NKX1-2: variants seen among roughly 807,000 people sequenced by gnomAD.
The protein encoded by NKX1-2 is NK1 homeobox 2, also known as NK1 transcription factor-related protein 2.
Under a neutral mutation model 4.4 loss-of-function variants are expected in NKX1-2, and 1 was observed. The ratio of observed to expected loss-of-function variants is 0.23; its 90% CI spans 0.08 to 1.08. NKX1-2 has a LOEUF of 1.08. NKX1-2 is among the 50% of genes least tolerant of loss of function. The probability of loss-of-function intolerance (pLI) is 0.55; values close to 1 mark genes in which losing one functional copy is unlikely to be tolerated. For missense variants in NKX1-2, 503 were observed against 464.6 expected (o/e 1.08, Z -0.76); for synonymous variants, 235 against 228.0 (o/e 1.03, Z -0.28).
At position 124,449,792 on chromosome 10, in the gene NKX1-2, G is replaced by A; in HGVS notation, c.152C>T (p.Ala51Val). ...GGCATCTTTCCCCGCTTCGACCTCC[G>A]CCAAACTTTTCCTGGCTTCCCGGGG... ...PAPREARKSL[A>V]EVEAGKDASS... The change falls in exon 1 of 2, where the codon GCG (alanine) becomes GTG (valine). Residue 51 changes from alanine to valine, a missense_variant. Ala to Val is a moderately conservative substitution (Grantham distance 64). Coordinates refer to ENST00000451024, the MANE Select transcript of NKX1-2 (RefSeq NM_001146340.3). This position sits in a 1 kb window ranked among gnomAD's most constrained non-coding sequence, Gnocchi z 7.5. 2 of 1,551,670 alleles carry A rather than the reference G, an allele frequency of 1.3e-6. No individual in the cohort carries two copies. Among genetic ancestry groups the A allele is most frequent in the South Asian group, 1.2e-5 (1 of 84,068 alleles).
rs1227270421 is a variant in NKX1-2 at position 124,447,991 on chromosome 10, G to A, written c.371C>T (p.Ala124Val). 1.3e-6 allele frequency: 2 copies of A among 1,485,716 alleles called. No individual in the cohort carries two copies. Among genetic ancestry groups the A allele is most frequent in the South Asian group, 1.3e-5 (1 of 78,372 alleles). 92.0% of individuals were successfully genotyped at this position (1,485,716 alleles called of 1,614,324 possible). ...CTCGCAGGGCTCCCCAGACGCCAAT[G>A]CCCCGGCCGGGGCGTCAGGTGAGCG... The part of the protein sequence containing the change: ...LARSPDAPAG[A>V]LASGEPCEDG... Residue 124 changes from alanine to valine, a missense_variant, in exon 2 of 2, where the codon GCA (alanine) becomes GTA (valine). Physicochemically the swap from Ala to Val is moderately conservative, Grantham distance 64 (BLOSUM62 0). Transcript: ENST00000451024.
chr10:124,447,907 C>T lies in NKX1-2; in HGVS notation c.455G>A (p.Arg152Lys). Residue 152 changes from arginine to lysine, a missense_variant, in exon 2 of 2, where the codon AGG becomes AAG. Transcript: ENST00000451024. ...PPGSPGSPRP[R>K]RRRLEPNCAK... ...GCAGTTGGGCTCCAGGCGCCGGCGC[C>T]TGGGACGCGGGGAGCCGGGGGATCC... is the stretch of plus-strand genomic sequence containing the variant. 5.0e-6 allele frequency: 7 copies of T among 1,411,032 alleles called. No homozygotes were observed. Among genetic ancestry groups the T allele is most frequent in the Non-Finnish European group, 6.5e-6 (7 of 1,078,324 alleles). The allele number at this position is 1,411,032 out of a possible 1,614,324, so 87.4% of individuals were successfully genotyped here.
Position 124,447,864 on chromosome 10 carries a change from C to A in NKX1-2, c.498G>T (p.Ala166=). 1 of 1,447,844 alleles carries A rather than the reference C, an allele frequency of 6.9e-7. No homozygotes were observed. Among genetic ancestry groups the A allele is most frequent in the Non-Finnish European group, 9.2e-7 (1 of 1,091,784 alleles). The allele number at this position is 1,447,844 out of a possible 1,614,324, so 89.7% of individuals were successfully genotyped here. A position where few individuals can be genotyped will look rare whatever the true frequency, so the allele number is the denominator to read the frequency against. ...GCTGCTCGTAGGTGAAGGCGGTGCG[C>A]GCGCGCCGCGGCTTGGCGCAGTTGG... ...LEPNCAKPRR[A]RTAFTYEQLV... is the part of the protein sequence containing the mutation. Residue 166 remains alanine, a synonymous_variant, in exon 2 of 2, where the codon GCG becomes GCT. Transcript: ENST00000451024.
rs1302776536 is a variant in NKX1-2 at position 124,448,108 on chromosome 10, T to A, written c.254A>T (p.Glu85Val). 2.6e-6 allele frequency: 4 copies of A among 1,511,012 alleles called. No homozygotes were observed. In the African/African-American group the frequency reaches 4.3e-5, roughly 16 times the overall value. 93.6% of individuals were successfully genotyped at this position (1,511,012 alleles called of 1,614,324 possible). Reference protein sequence around the residue: ...GPGAGQASPLEGSEAEEEEDA... With the variant: ...GPGAGQASPLVGSEAEEEEDA... ...CTCCTCCTCTTCCGCCTCGGAACCC[T>A]CCAGGGGGGACGCCTGGCCGGCGCC... The change falls in exon 2 of 2, where the codon GAG (glutamate) becomes GTG (valine). Residue 85 changes from glutamate (E) to valine (V), a missense_variant. Transcript: ENST00000451024. The surrounding 1 kb of genome is among the most constrained non-coding windows in gnomAD (Gnocchi z 4.1).
Position 124,449,600 on chromosome 10 carries a change from C to A in NKX1-2, c.214+130G>T. The A allele has an allele frequency of 2.6e-6, 2 of 763,316 alleles. No homozygotes were observed. Among genetic ancestry groups the A allele is most frequent in the Non-Finnish European group, 4.5e-6 (2 of 440,988 alleles). 47.3% of individuals were successfully genotyped at this position (763,316 alleles called of 1,614,324 possible). ...TCCGAGGCGGGGGCTACACTTCGCA[C>A]CCGGTCCCGTGCGCCTTCTCTCTGA... On this transcript the variant is annotated intron_variant, in intron 1 of 1. Transcript: ENST00000451024. The surrounding 1 kb of genome is among the most constrained non-coding windows in gnomAD (Gnocchi z 7.5).
Position 124,447,432 on chromosome 10 carries a change from T to C in NKX1-2, c.930A>G (p.Leu310=), listed in dbSNP as rs1317120194. Residue 310 remains leucine (L), a synonymous_variant, in exon 2 of 2, where the codon CTA becomes CTG. Coordinates refer to ENST00000451024, the MANE Select transcript of NKX1-2 (RefSeq NM_001146340.3). ...SYLTPFYAPR[L] ...GAGGGGCCAGGGGGCTCCGGATTCA[T>C]AGACGCGGGGCGTAGAAGGGGGTCA... is the stretch of plus-strand genomic sequence containing the variant. The C allele has an allele frequency of 4.8e-6, 6 of 1,248,420 alleles. No homozygotes were observed. Among genetic ancestry groups the C allele is most frequent in the Admixed American group, 4.2e-5 (1 of 23,544 alleles). 77.3% of individuals were successfully genotyped at this position (1,248,420 alleles called of 1,614,324 possible). A position where few individuals can be genotyped will look rare whatever the true frequency, so the allele number is the denominator to read the frequency against.
rs561455879 is a variant in NKX1-2 at position 124,447,260 on chromosome 10, G to C, written c.*169C>G. The C allele has an allele frequency of 8.0e-5, 34 of 424,112 alleles. No homozygotes were observed. Among genetic ancestry groups the C allele is most frequent in the Non-Finnish European group, 1.2e-4 (29 of 247,470 alleles). 26.3% of individuals were successfully genotyped at this position (424,112 alleles called of 1,614,324 possible). ...AGCCTCCGTCCCCGGACACTTTGAA[G>C]GACGGCAGATCCCTGACCCCTTGGT... On this transcript the variant is annotated 3_prime_UTR_variant, in exon 2 of 2. Transcript: ENST00000451024.
chr10:124,447,841 T>A lies in NKX1-2; in HGVS notation c.521A>T (p.Gln174Leu). The A allele has an allele frequency of 6.8e-7, 1 of 1,466,168 alleles. No homozygotes were observed. The highest frequency in any genetic ancestry group is 9.1e-7 in the Non-Finnish European group (1 of 1,100,876). 90.8% of individuals were successfully genotyped at this position (1,466,168 alleles called of 1,614,324 possible). The change falls in exon 2 of 2, where the codon CAG (glutamine) becomes CTG (leucine). Residue 174 changes from glutamine to leucine, a missense_variant. Gln to Leu is a moderately radical substitution (Grantham distance 113). Coordinates refer to ENST00000451024, the MANE Select transcript of NKX1-2 (RefSeq NM_001146340.3). The stretch of plus-strand genomic sequence containing the variant: ...GAACTTGTTCTCCAAGGCCACCAGC[T>A]GCTCGTAGGTGAAGGCGGTGCGCGC... Reference protein sequence around the residue: ...RRARTAFTYEQLVALENKFRA... With the variant: ...RRARTAFTYELLVALENKFRA...
At position 124,448,287 on chromosome 10, in the gene NKX1-2, G is replaced by A. The variant is rs1164077924; in HGVS notation, c.215-140C>T. 4 of 1,262,162 alleles carry A rather than the reference G, an allele frequency of 3.2e-6. No homozygotes were observed. The highest frequency in any genetic ancestry group is 3.0e-6 in the Non-Finnish European group (3 of 999,550). The allele number at this position is 1,262,162 out of a possible 1,614,324, so 78.2% of individuals were successfully genotyped here. ...CCCACATCGCGCTCCCCTTAGGCCGGACTACACATCCTCGCCAGCGGGTTT... is the reference window on the plus strand; with the variant it reads ...CCCACATCGCGCTCCCCTTAGGCCGAACTACACATCCTCGCCAGCGGGTTT... On this transcript the variant is annotated intron_variant, in intron 1 of 1. Coordinates refer to ENST00000451024, the MANE Select transcript of NKX1-2 (RefSeq NM_001146340.3). The surrounding 1 kb of genome is among the most constrained non-coding windows in gnomAD (Gnocchi z 4.1).
chr10:124,447,457 A>C lies in NKX1-2; in HGVS notation c.905T>G (p.Leu302Arg). The change falls in exon 2 of 2, where the codon CTG becomes CGG. Residue 302 changes from leucine (L) to arginine (R), a missense_variant. By Grantham distance (102) the Leu-to-Arg change is moderately radical. Coordinates refer to ENST00000451024, the MANE Select transcript of NKX1-2 (RefSeq NM_001146340.3). Reference protein sequence around the residue: ...PFAPFLGPSYLTPFYAPRL With the variant: ...PFAPFLGPSYRTPFYAPRL ...TAGACGCGGGGCGTAGAAGGGGGTC[A>C]GGTAGGAAGGCCCAAGGAACGGCGC... The C allele has an allele frequency of 7.9e-7, 1 of 1,259,674 alleles. No homozygotes were observed. Among genetic ancestry groups the C allele is most frequent in the Non-Finnish European group, 1.0e-6 (1 of 995,800 alleles). The allele number at this position is 1,259,674 out of a possible 1,614,324, so 78.0% of individuals were successfully genotyped here. A position where few individuals can be genotyped will look rare whatever the true frequency, so the allele number is the denominator to read the frequency against.
Position 124,449,415 on chromosome 10 carries a change from T to G in NKX1-2, c.214+315A>C. 1.6e-6 allele frequency: 1 copy of G among 610,892 alleles called. No homozygotes were observed. Among genetic ancestry groups the G allele is most frequent in the East Asian group, 3.5e-5 (1 of 28,670 alleles). 37.8% of individuals were successfully genotyped at this position (610,892 alleles called of 1,614,324 possible). On this transcript the variant is annotated intron_variant, in intron 1 of 1. Transcript: ENST00000451024. The surrounding 1 kb of genome is among the most constrained non-coding windows in gnomAD (Gnocchi z 7.5). ...CAGGTCCTAGCACGTGGCAAGCGCA[T>G]TAAATGCCCGATAAATGAGTAAGCC... is the stretch of plus-strand genomic sequence containing the variant.
rs1205648179 is a variant in NKX1-2 at position 124,447,086 on chromosome 10, G to A, written c.*343C>T. The A allele has an allele frequency of 3.5e-5, 7 of 200,522 alleles. No individual in the cohort carries two copies. In the East Asian group the frequency reaches 7.8e-4, roughly 22 times the overall value. The allele number at this position is 200,522 out of a possible 1,614,324, so 12.4% of individuals were successfully genotyped here. ...CCATCCTAGCCGCCAGCAGCTGGCA[G>A]CCAGGGCGTCTCTGCTCCCTGTATT... On this transcript the variant is annotated 3_prime_UTR_variant, in exon 2 of 2. Transcript: ENST00000451024.
Position 124,448,085 on chromosome 10 carries a change from C to A in NKX1-2, c.277G>T (p.Glu93Ter). The change falls in exon 2 of 2, where the codon GAG (glutamate) becomes TAG (stop). Residue 93 changes from glutamate (E) to a stop codon, truncating the protein, a stop_gained. Transcript: ENST00000451024. LOFTEE classifies it low-confidence loss of function (END_TRUNC). This position sits in a 1 kb window ranked among gnomAD's most constrained non-coding sequence, Gnocchi z 4.1. ...GGCCTCCTCGGATCCTCCGCATCCT[C>A]CTCCTCTTCCGCCTCGGAACCCTCC... is the stretch of plus-strand genomic sequence containing the variant. ...PLEGSEAEEE[E>*]DAEDPRRPRL... is the part of the protein sequence containing the mutation. The A allele has an allele frequency of 6.6e-7, 1 of 1,521,490 alleles. No individual in the cohort carries two copies. The highest frequency in any genetic ancestry group is 8.8e-7 in the Non-Finnish European group (1 of 1,139,654). 94.2% of individuals were successfully genotyped at this position (1,521,490 alleles called of 1,614,324 possible).
rs1316897988 is a variant in NKX1-2 at position 124,448,758 on chromosome 10, G to A, written c.215-611C>T. 1 of 152,924 alleles carries A rather than the reference G, an allele frequency of 6.5e-6. No individual in the cohort carries two copies. Among genetic ancestry groups the A allele is most frequent in the African/African-American group, 2.4e-5 (1 of 41,580 alleles). The allele number at this position is 152,924 out of a possible 1,614,324, so 9.5% of individuals were successfully genotyped here. A position where few individuals can be genotyped will look rare whatever the true frequency, so the allele number is the denominator to read the frequency against. On this transcript the variant is annotated intron_variant, in intron 1 of 1. Transcript: ENST00000451024. This position sits in a 1 kb window ranked among gnomAD's most constrained non-coding sequence, Gnocchi z 4.1. The stretch of plus-strand genomic sequence containing the variant: ...GGTTTGAAGTCGGTACCTGCAAGCT[G>A]CGGGCAGGAGATATGCAGGCGCCAG...
At position 124,448,183 on chromosome 10, in the gene NKX1-2, C is replaced by G. The variant is rs553449916; in HGVS notation, c.215-36G>C. On this transcript the variant is annotated intron_variant, in intron 1 of 1. Transcript: ENST00000451024. The surrounding 1 kb of genome is among the most constrained non-coding windows in gnomAD (Gnocchi z 4.1). ...AGGGGTCGGTGAACAGAAGCCTCTCCAGGTCCCCAAACCTCGTCCTCGTCC... is the reference window on the plus strand; with the variant it reads ...AGGGGTCGGTGAACAGAAGCCTCTCGAGGTCCCCAAACCTCGTCCTCGTCC... 2 of 1,405,288 alleles carry G rather than the reference C, an allele frequency of 1.4e-6. No homozygotes were observed. The highest frequency in any genetic ancestry group is 3.0e-5 in the South Asian group (2 of 65,788). The allele number at this position is 1,405,288 out of a possible 1,614,324, so 87.1% of individuals were successfully genotyped here. A position where few individuals can be genotyped will look rare whatever the true frequency, so the allele number is the denominator to read the frequency against.
rs1249918534 is a variant in NKX1-2 at position 124,445,723 on chromosome 10, T to C, written c.*1706A>G. 2 of 152,218 alleles carry C rather than the reference T, an allele frequency of 1.3e-5. No homozygotes were observed. Among genetic ancestry groups the C allele is most frequent in the Non-Finnish European group, 2.9e-5 (2 of 68,050 alleles). 9.4% of individuals were successfully genotyped at this position (152,218 alleles called of 1,614,324 possible). A position where few individuals can be genotyped will look rare whatever the true frequency, so the allele number is the denominator to read the frequency against. On this transcript the variant is annotated 3_prime_UTR_variant, in exon 2 of 2. Coordinates refer to ENST00000451024, the MANE Select transcript of NKX1-2 (RefSeq NM_001146340.3). ...CTTTTAGAAAGTTACAATGTGTTGT[T>C]TGGGGGACATTCTTCTTTAGAAGGA...
rs1173230625 is a variant in NKX1-2 at position 124,447,611 on chromosome 10, C to T, written c.751G>A (p.Gly251Ser). 7.8e-7 allele frequency: 1 copy of T among 1,280,304 alleles called. No individual in the cohort carries two copies. The highest frequency in any genetic ancestry group is 3.1e-5 in the East Asian group (1 of 32,500). The allele number at this position is 1,280,304 out of a possible 1,614,324, so 79.3% of individuals were successfully genotyped here. A position where few individuals can be genotyped will look rare whatever the true frequency, so the allele number is the denominator to read the frequency against. ...CCGGTGCCGGGAGGGCCAGGACTGC[C>T]CCCCGAGCCGCCGCCGCCGCCGCCC... is the stretch of plus-strand genomic sequence containing the variant. ...AGGGGGGGSGGSPGPPGTGAL... is the reference protein window; with the variant it reads ...AGGGGGGGSGSSPGPPGTGAL... Residue 251 changes from glycine (G) to serine (S), a missense_variant, in exon 2 of 2, where the codon GGC becomes AGC. Gly to Ser is a moderately conservative substitution (Grantham distance 56). Coordinates refer to ENST00000451024, the MANE Select transcript of NKX1-2 (RefSeq NM_001146340.3).
Position 124,446,459 on chromosome 10 carries a change from C to G in NKX1-2, c.*970G>C, listed in dbSNP as rs1244447010. On this transcript the variant is annotated 3_prime_UTR_variant, in exon 2 of 2. Transcript: ENST00000451024. Reference sequence around the variant, plus strand: ...CCACATGTAGTGTGTGCTGATGGAGCTAGCTCTTCCCCATCCTGGCTCACT... The same window carrying G: ...CCACATGTAGTGTGTGCTGATGGAGGTAGCTCTTCCCCATCCTGGCTCACT... The G allele has an allele frequency of 6.6e-6, 1 of 152,218 alleles. No individual in the cohort carries two copies. The highest frequency in any genetic ancestry group is 1.5e-5 in the Non-Finnish European group (1 of 68,044). The allele number at this position is 152,218 out of a possible 1,614,324, so 9.4% of individuals were successfully genotyped here.
chr10:124,447,398 C>A lies in NKX1-2; in HGVS notation c.*31G>T. The A allele has an allele frequency of 4.9e-6, 6 of 1,236,934 alleles. No individual in the cohort carries two copies. The highest frequency in any genetic ancestry group is 5.1e-6 in the Non-Finnish European group (5 of 978,014). The allele number at this position is 1,236,934 out of a possible 1,614,324, so 76.6% of individuals were successfully genotyped here. A position where few individuals can be genotyped will look rare whatever the true frequency, so the allele number is the denominator to read the frequency against. On this transcript the variant is annotated 3_prime_UTR_variant, in exon 2 of 2. Transcript: ENST00000451024. ...ACGACGATGCCAATCCCTCGTGAATCCCGCGAAAGAGGGGCCAGGGGGCTC... is the reference window on the plus strand; with the variant it reads ...ACGACGATGCCAATCCCTCGTGAATACCGCGAAAGAGGGGCCAGGGGGCTC...
Sources: gnomAD v4.1 joint callset for allele counts on GRCh38, gnomAD v4.1.1 for gene constraint, Gnocchi (gnomAD v3.1) non-coding constraint, MANE v1.5 for transcripts, NCBI Gene and HGNC (gene_info 2026-07-23, HGNC 2026-07-21) for gene names.